The following NRL variants were observed in gnomAD, a reference collection of about 807,000 sequenced individuals.
The protein encoded by NRL is neural retina leucine zipper, also known as neural retina-specific leucine zipper protein.
Under a neutral mutation model 12.5 loss-of-function variants are expected in NRL, and 16 were observed. The observed-to-expected ratio is 1.28, with a 90% CI of 0.87 to 1.95. The LOEUF (loss-of-function observed/expected upper bound fraction) is 1.95, where lower values mean the gene tolerates loss of function less well. NRL is among the 30% of genes most tolerant of loss of function. NRL has a pLI of 0.00. For synonymous variants in NRL, 142 were observed against 150.9 expected (o/e 0.94, Z 0.43); for missense variants, 314 against 325.8 (o/e 0.96, Z 0.28).
rs1374679139 is a variant in NRL at position 24,081,132 on chromosome 14, G to A, written c.*104C>T. The A allele has an allele frequency of 2.6e-6, 2 of 781,800 alleles. No homozygotes were observed. Among genetic ancestry groups the A allele is most frequent in the Admixed American group, 4.3e-5 (1 of 23,408 alleles). 48.4% of individuals were successfully genotyped at this position (781,800 alleles called of 1,614,324 possible). A position where few individuals can be genotyped will look rare whatever the true frequency, so the allele number is the denominator to read the frequency against. On this transcript the variant is annotated 3_prime_UTR_variant, in exon 3 of 3. Transcript: ENST00000561028. This position sits in a 1 kb window ranked among gnomAD's most constrained non-coding sequence, Gnocchi z 4.4. The stretch of plus-strand genomic sequence containing the variant: ...TGCGCGGTCATACAGGGCGTGGCTA[G>A]GACCAGAAGGCGCTCTGGTAACGAT...
At position 24,081,268 on chromosome 14, in the gene NRL, CG is replaced by C; in HGVS notation, c.681del (p.Ser229ProfsTer89). 4.7e-6 allele frequency: 7 copies of C among 1,504,212 alleles called. No individual in the cohort carries two copies. The highest frequency in any genetic ancestry group is 2.2e-5 in the Admixed American group (1 of 46,420). The allele number at this position is 1,504,212 out of a possible 1,614,324, so 93.2% of individuals were successfully genotyped here. On this transcript the variant is annotated frameshift_variant, in exon 3 of 3. Coordinates refer to ENST00000561028, the MANE Select transcript of NRL (RefSeq NM_001354768.3). LOFTEE classifies it high-confidence loss of function. The surrounding 1 kb of genome is among the most constrained non-coding windows in gnomAD (Gnocchi z 4.4). ...ARCDRLTSSG[P>X]GSGDPSHLFL is the part of the protein sequence containing the mutation. ...AAGAGGTGGGAGGGGTCCCCGGACC[CG>C]GGGCCGCTCGAGGTTAGCCGGTCAC...
rs966502504 is a variant in NRL at position 24,081,796 on chromosome 14, G to A, written c.382-228C>T. On this transcript the variant is annotated intron_variant, in intron 2 of 2. Transcript: ENST00000561028. The surrounding 1 kb of genome is among the most constrained non-coding windows in gnomAD (Gnocchi z 4.4). Reference sequence around the variant, plus strand: ...TGCTCCAGTCAGGCGGGCGCCCCACGGTGCAGGGCCGGCCACGGTCAGGCG... The same window carrying A: ...TGCTCCAGTCAGGCGGGCGCCCCACAGTGCAGGGCCGGCCACGGTCAGGCG... 8.7e-5 allele frequency: 130 copies of A among 1,494,124 alleles called. No homozygotes were observed. Among genetic ancestry groups the A allele is most frequent in the Non-Finnish European group, 1.1e-4 (120 of 1,126,784 alleles). The allele number at this position is 1,494,124 out of a possible 1,614,324, so 92.6% of individuals were successfully genotyped here.
In NRL at chr14:24,079,017, G is replaced by T. The variant is rs917082451; in HGVS notation, c.*2219C>A. Among the ~76,000 whole-genome samples the T allele has an allele frequency of 2.6e-5, 4 of 152,110 alleles. No individual in the cohort carries two copies. Among genetic ancestry groups the T allele is most frequent in the African/African-American group, 9.7e-5 (4 of 41,396 alleles). ...ACAGGGTTCTCGCTATGTTGCCCAG[G>T]CTGGTCTCAAACTTCCTCCTTGGCC... On this transcript the variant is annotated 3_prime_UTR_variant, in exon 3 of 3. Coordinates refer to ENST00000561028, the MANE Select transcript of NRL (RefSeq NM_001354768.3).
At chr14:24,100,189 T>G in intron 1 of NRL, 1 of 1,614,168 alleles carries the variant, frequency 6.2e-7, no homozygotes, top group East Asian at 2.2e-5. Context: ...TGTGACCTCC[T>G]GGCTGGGCAA....
chr14:24,081,966 G>A lies in NRL; in HGVS notation c.382-398C>T. On this transcript the variant is annotated intron_variant, in intron 2 of 2. Coordinates refer to ENST00000561028, the MANE Select transcript of NRL (RefSeq NM_001354768.3). The surrounding 1 kb of genome is among the most constrained non-coding windows in gnomAD (Gnocchi z 4.4). ...TTCCCTGTCCTGAAGCCTGCAACCC[G>A]GTGACCCTCACAGGATTTGGATTAC... The A allele has an allele frequency of 4.9e-6, 6 of 1,223,394 alleles. No individual in the cohort carries two copies. In the Middle Eastern group the frequency reaches 8.9e-4, roughly 181 times the overall value. The allele number at this position is 1,223,394 out of a possible 1,614,324, so 75.8% of individuals were successfully genotyped here.
chr14:24,092,627 C>A (rs1273189311), intron 1 of NRL, among the ~76,000 whole-genome samples: 1 of 152,120 alleles, frequency 6.6e-6, no homozygotes, highest in Admixed American at 6.5e-5. Context: ...AATACATATA[C>A]CTGAGGTTGA....
At chr14:24,109,563 T>C (rs1006730540) in intron 1 of NRL, among the ~76,000 whole-genome samples, 4 of 152,008 alleles carry the variant, frequency 2.6e-5, no homozygotes, top group Non-Finnish European at 5.9e-5. Flanking sequence ...CCGGGCATGG[T>C]GGCGGGCGCC....
At chr14:24,095,915 A>G (rs565008284) in intron 1 of NRL, among the ~76,000 whole-genome samples, 2 of 152,258 alleles carry the variant, frequency 1.3e-5, no homozygotes, top group Admixed American at 1.3e-4. Flanking sequence ...ATTTTATGCA[A>G]CCATTGTTGG....
At chr14:24,100,953 G>A (rs1264084335) in intron 1 of NRL, among the ~76,000 whole-genome samples, 2 of 152,170 alleles carry the variant, frequency 1.3e-5, no homozygotes, top group Admixed American at 1.3e-4. Flanking sequence ...ATGGCCTTCT[G>A]CAGTCAGGCA....
rs2036454702 is a variant in NRL at position 24,085,904 on chromosome 14, T to TA, written c.-27-3030dup. Among the ~76,000 whole-genome samples the TA allele has an allele frequency of 6.6e-6, 1 of 152,222 alleles. No homozygotes were observed. Among genetic ancestry groups the TA allele is most frequent in the African/African-American group, 2.4e-5 (1 of 41,454 alleles). On this transcript the variant is annotated intron_variant, in intron 1 of 2. Transcript: ENST00000561028. This position sits in a 1 kb window ranked among gnomAD's most constrained non-coding sequence, Gnocchi z 4.1. ...GGGTGGGGCCCAGAAATCTGTGTTT[T>TA]AAGGCCCTTCCAGCAAGTCTGACAT...
chr14:24,079,851 G>C lies in NRL; in HGVS notation c.*1385C>G, dbSNP rs1478275172. Among the ~76,000 whole-genome samples, 1 of 152,204 alleles carries C rather than the reference G, an allele frequency of 6.6e-6. No homozygotes were observed. Among genetic ancestry groups the C allele is most frequent in the African/African-American group, 2.4e-5 (1 of 41,456 alleles). On this transcript the variant is annotated 3_prime_UTR_variant, in exon 3 of 3. Coordinates refer to ENST00000561028, the MANE Select transcript of NRL (RefSeq NM_001354768.3). ...TGAACTGGAGGACTGGGTTACCATG[G>C]AAACTGTGAGACCTGGATAGCCACT...
At chr14:24,108,414 T>C (rs2037370781) in intron 1 of NRL, among the ~76,000 whole-genome samples, 1 of 152,116 alleles carries the variant, frequency 6.6e-6, no homozygotes, top group Non-Finnish European at 1.5e-5. Flanking sequence ...CACAGCTCAC[T>C]GCAGCCTTGA....
intron 1 of NRL, chr14:24,096,947 ACC>A: frequency 6.2e-7 from 1 of 1,613,528 alleles, no homozygotes; most frequent in East Asian, 2.2e-5. Context: ...TAGCATCCAG[ACC>A]CTGCGAGTGC....
chr14:24,095,110 C>T, intron 1 of NRL: 1 of 456,128 alleles, frequency 2.2e-6, no homozygotes, highest in Non-Finnish European at 4.4e-6. Flanking sequence ...TCCTCTTAGT[C>T]TCCTATTTAT....
chr14:24,103,477 G>A, intron 1 of NRL: 3 of 1,521,204 alleles, frequency 2.0e-6, no homozygotes, highest in Non-Finnish European at 2.7e-6. Context: ...CAGTGAGAAG[G>A]AAGATTCCTT....
rs1277098428 is a variant in NRL, at chr14:24,079,743, T to G, written c.*1493A>C. ...TTTATTATGTCCGGTAGAGGACAGA[T>G]GACAGTAACTCGTGAGGCGGCTGCT... On this transcript the variant is annotated 3_prime_UTR_variant, in exon 3 of 3. Coordinates refer to ENST00000561028, the MANE Select transcript of NRL (RefSeq NM_001354768.3). Among the ~76,000 whole-genome samples the G allele has an allele frequency of 6.6e-6, 1 of 152,206 alleles. No homozygotes were observed. The highest frequency in any genetic ancestry group is 6.5e-5 in the Admixed American group (1 of 15,288).
intron 1 of NRL, among the ~76,000 whole-genome samples, chr14:24,105,773 C>G (rs913359680): frequency 3.3e-5 from 5 of 152,190 alleles, no homozygotes; most frequent in African/African-American, 1.2e-4. Flanking sequence ...CAAAAATTAG[C>G]TGGGCATGAT....
At chr14:24,103,873 G>A (rs1013896034) in intron 1 of NRL, 24 of 1,614,128 alleles carry the variant, frequency 1.5e-5, no homozygotes, top group East Asian at 6.7e-5. Flanking sequence ...CGTGACATTC[G>A]GAGCTACCTG....
At chr14:24,102,099 G>T (rs1408873879) in intron 1 of NRL, among the ~76,000 whole-genome samples, 1 of 151,880 alleles carries the variant, frequency 6.6e-6, no homozygotes, top group Non-Finnish European at 1.5e-5. Flanking sequence ...ATGGTGGTGG[G>T]TGCCTGTAAT....
Sources: gnomAD v4.1 joint callset for allele counts (sites outside exome capture counted in the v4.1 genomes callset) on GRCh38, gnomAD v4.1.1 for gene constraint, Gnocchi (gnomAD v3.1) non-coding constraint, MANE v1.5 for transcripts, NCBI Gene and HGNC (gene_info 2026-07-23, HGNC 2026-07-21) for gene names.